TMCC3: variants seen among roughly 807,000 people sequenced by gnomAD.
TMCC3 encodes the protein transmembrane and coiled-coil domain protein 3.
Under a neutral mutation model 40.2 loss-of-function variants are expected in TMCC3, and 28 were observed. The ratio of observed to expected loss-of-function variants is 0.70; its 90% CI spans 0.52 to 0.95. TMCC3 has a LOEUF of 0.95. Among genes scored for constraint, TMCC3 ranks in the 40% least tolerant of loss-of-function variants. TMCC3 has a pLI of 0.00. For synonymous variants in TMCC3, 255 were observed against 248.5 expected, an observed-to-expected ratio of 1.03 and a Z score of -0.25; for missense variants, 554 against 615.2, an observed-to-expected ratio of 0.90 and a Z score of 1.05.
chr12:94,598,977 T>C (rs2068734582), intron 1 of TMCC3, among the ~76,000 whole-genome samples: 1 of 152,138 alleles, frequency 6.6e-6, no homozygotes, highest in African/African-American at 2.4e-5. Context: ...AGCTCAGACC[T>C]CATGGGAAAG....
chr12:94,633,812 C>A (rs943354955), intron 1 of TMCC3, among the ~76,000 whole-genome samples: 1 of 152,096 alleles, frequency 6.6e-6, no homozygotes, highest in Non-Finnish European at 1.5e-5. Context: ...ACTAACAGTT[C>A]GCTGAATGAG....
chr12:94,602,937 A>C (rs550051704), intron 1 of TMCC3, among the ~76,000 whole-genome samples: 4 of 152,290 alleles, frequency 2.6e-5, no homozygotes, highest in Non-Finnish European at 4.4e-5. Context: ...GCAAACTCTA[A>C]GGGCCTTGCA....
rs75354186 is a variant in TMCC3, at chr12:94,598,684, G to T, written c.79-16146C>A. On this transcript the variant is annotated intron_variant, in intron 1 of 3. Coordinates refer to ENST00000261226, the MANE Select transcript of TMCC3 (RefSeq NM_020698.4). ...TTCTACAGTCATTAAATGCTCTGCCGTCAATAAGAGGAGGCTTTCTTCTCC... is the reference window on the plus strand; with the variant it reads ...TTCTACAGTCATTAAATGCTCTGCCTTCAATAAGAGGAGGCTTTCTTCTCC... 669 of 985,366 alleles carry T rather than the reference G, an allele frequency of 6.8e-4. 5 individuals carry two copies. In the African/African-American group the frequency reaches 0.01, roughly 15 times the overall value. The allele number at this position is 985,366 out of a possible 1,614,324, so 61.0% of individuals were successfully genotyped here.
intron 1 of TMCC3, among the ~76,000 whole-genome samples, chr12:94,603,340 C>A (rs1320516372): frequency 2.6e-5 from 4 of 152,138 alleles, no homozygotes; most frequent in African/African-American, 9.7e-5. Context: ...TGGTCTTGAA[C>A]TCCTGGCCTC....
At chr12:94,597,164 T>TATATATATATATAA (rs1488070684) in intron 1 of TMCC3, among the ~76,000 whole-genome samples, 2 of 90,462 alleles carry the variant, frequency 2.2e-5, no homozygotes, top group South Asian at 3.8e-4. Flanking sequence ...TATATGTATA[T>TATATATATATATAA]AAATTAGCCA....
rs1184020338 is a variant in TMCC3, at chr12:94,600,052, G to GAA, written c.79-17515_79-17514insTT. ...AAAAAGGAGTGGTGGTGGGGGAAGA[G>GAA]AGAGAGAGGGAGAGAGAGAAAATGA... On this transcript the variant is annotated intron_variant, in intron 1 of 3. Coordinates refer to ENST00000261226, the MANE Select transcript of TMCC3 (RefSeq NM_020698.4). Among the ~76,000 whole-genome samples, 8 of 152,258 alleles carry GAA rather than the reference G, an allele frequency of 5.3e-5. 2 individuals are homozygous for GAA. Among genetic ancestry groups the GAA allele is most frequent in the African/African-American group, 1.9e-4 (8 of 41,546 alleles).
At chr12:94,593,212 A>C (rs1011151683) in intron 1 of TMCC3, among the ~76,000 whole-genome samples, 3 of 143,570 alleles carry the variant, frequency 2.1e-5, no homozygotes, top group Non-Finnish European at 4.6e-5. Context: ...AAAAGAAAAA[A>C]CAAAAAGAGC....
Position 94,582,983 on chromosome 12 carries a change from TTTTTTTTTTTTAA to T in TMCC3, c.79-458_79-446del, listed in dbSNP as rs1217791904. Among the ~76,000 whole-genome samples the T allele has an allele frequency of 2.5e-3, 64 of 25,798 alleles. 3 individuals are homozygous for T. Among genetic ancestry groups the T allele is most frequent in the African/African-American group, 9.6e-3 (26 of 2,722 alleles). The allele number at this position is 25,798 out of a possible 152,430, so 16.9% of individuals were successfully genotyped here. ...GGAGAATCTTTTTTTTTTTTTTTTT[TTTTTTTTTTTTAA>T]AAAAGAAAGATGGGGAAAAATAGGG... On this transcript the variant is annotated intron_variant, in intron 1 of 3. Transcript: ENST00000261226.
intron 1 of TMCC3, among the ~76,000 whole-genome samples, chr12:94,618,920 T>C (rs1213476823): frequency 2.0e-5 from 3 of 152,066 alleles, no homozygotes; most frequent in African/African-American, 7.2e-5. Context: ...CCTACCCCAC[T>C]GCCAATAGGG....
chr12:94,632,258 T>C (rs1330493755), intron 1 of TMCC3, among the ~76,000 whole-genome samples: 1 of 152,236 alleles, frequency 6.6e-6, no homozygotes, highest in Admixed American at 6.5e-5. Context: ...TCAGAATTCA[T>C]AGGACTGTGC....
chr12:94,600,240 GTTTTT>G (rs530585319), intron 1 of TMCC3, among the ~76,000 whole-genome samples: 2 of 102,070 alleles, frequency 2.0e-5, no homozygotes, highest in East Asian at 3.0e-4. Flanking sequence ...CCAAATTCTG[GTTTTT>G]TTTTTTTTTT....
At chr12:94,650,331 C>T (rs1453935664) in intron 1 of TMCC3, 22 bp downstream of exon 1, 6 of 1,258,438 alleles carry the variant, frequency 4.8e-6, no homozygotes, top group African/African-American at 3.1e-5. Flanking sequence ...GCACCCGCCG[C>T]CCCCCAGCCC....
intron 1 of TMCC3, chr12:94,598,885 G>A: frequency 1.6e-6 from 1 of 613,894 alleles, no homozygotes; most frequent in Non-Finnish European, 2.0e-6. Flanking sequence ...TAGAACCTAA[G>A]TCTGTATTTG....
intron 1 of TMCC3, among the ~76,000 whole-genome samples, chr12:94,628,341 G>A (rs368237481): frequency 3.9e-5 from 6 of 152,240 alleles, no homozygotes; most frequent in African/African-American, 1.2e-4. Flanking sequence ...TAAAAAACCC[G>A]CCTGGAGGCT....
chr12:94,591,011 T>C (rs1317579230), intron 1 of TMCC3: 2 of 553,624 alleles, frequency 3.6e-6, no homozygotes, highest in Admixed American at 2.0e-5. Context: ...GCGACTACTA[T>C]AGAAATTGAT....
chr12:94,625,245 T>A (rs2068897672), intron 1 of TMCC3, among the ~76,000 whole-genome samples: 1 of 151,858 alleles, frequency 6.6e-6, no homozygotes, highest in Non-Finnish European at 1.5e-5. Flanking sequence ...GGTTAGGACT[T>A]CAACATATCT....
Position 94,582,156 on chromosome 12 carries a change from T to C in TMCC3, c.461A>G (p.Asp154Gly), listed in dbSNP as rs2068607322. The change falls in exon 2 of 4, where the codon GAC becomes GGC. Residue 154 changes from aspartate (D) to glycine (G), a missense_variant. Asp to Gly is a moderately conservative substitution (Grantham distance 94). Transcript: ENST00000261226. Reference sequence around the variant, plus strand: ...ATCCTTCAGGTGGTCTTTGGAAATGTCCTTTGAGCTCCTAGAGGCTCCATT... The same window carrying C: ...ATCCTTCAGGTGGTCTTTGGAAATGCCCTTTGAGCTCCTAGAGGCTCCATT... The part of the protein sequence containing the change: ...EQNGASRSSK[D>G]ISKDHLKDIH... 2 of 1,613,980 alleles carry C rather than the reference T, an allele frequency of 1.2e-6. No homozygotes were observed. Among genetic ancestry groups the C allele is most frequent in the Non-Finnish European group, 1.7e-6 (2 of 1,180,024 alleles).
At chr12:94,600,273 T>C (rs1268239093) in intron 1 of TMCC3, among the ~76,000 whole-genome samples, 1 of 148,748 alleles carries the variant, frequency 6.7e-6, no homozygotes, top group Non-Finnish European at 1.5e-5. Context: ...GCTTGGTGGT[T>C]TCTCTCCAGA....
At chr12:94,574,043 CCA>C (rs1339786463) in intron 3 of TMCC3, among the ~76,000 whole-genome samples, 1 of 152,158 alleles carries the variant, frequency 6.6e-6, no homozygotes, top group Non-Finnish European at 1.5e-5. Context: ...GCAGCACGTG[CCA>C]CACACTGGCT....
Sources: gnomAD v4.1 joint callset for allele counts (sites outside exome capture counted in the v4.1 genomes callset) on GRCh38, gnomAD v4.1.1 for gene constraint, MANE v1.5 for transcripts, NCBI Gene and HGNC (gene_info 2026-07-23, HGNC 2026-07-21) for gene names.